Variants in EDARADD observed in about 807,000 individuals in gnomAD.
EDARADD encodes the protein EDAR associated via death domain, also known as ectodysplasin-A receptor-associated adapter protein.
Under a neutral mutation model 25.6 loss-of-function variants are expected in EDARADD, and 20 were observed. That is an observed-to-expected ratio of 0.78 (90% confidence interval 0.55 to 1.14). The LOEUF (loss-of-function observed/expected upper bound fraction) is 1.14, where lower values mean the gene tolerates loss of function less well. Among genes scored for constraint, EDARADD ranks in the 50% most tolerant of loss-of-function variants. EDARADD has a pLI of 0.00. For missense variants in EDARADD, 225 were observed against 270.1 expected (o/e 0.83, Z 1.17); for synonymous variants, 86 against 94.4 (o/e 0.91, Z 0.52).
intron 4 of EDARADD, among the ~76,000 whole-genome samples, chr1:236,464,589 C>T (rs1196851777): frequency 6.6e-6 from 1 of 151,940 alleles, no homozygotes; most frequent in Non-Finnish European, 1.5e-5. Context: ...CTCACCACCA[C>T]ATCCAGCTAA....
intron 3 of EDARADD, among the ~76,000 whole-genome samples, chr1:236,382,228 G>A (rs1391284368): frequency 6.6e-6 from 1 of 151,692 alleles, no homozygotes. Context: ...CAATTTCTAT[G>A]TCTCCAAGTC....
intron 1 of EDARADD, among the ~76,000 whole-genome samples, chr1:236,397,656 T>G (rs1274050552): frequency 6.6e-6 from 1 of 152,098 alleles, no homozygotes; most frequent in African/African-American, 2.4e-5. Context: ...GTGAAAACTT[T>G]AGAGAGAGAT....
chr1:236,483,165 A>C lies in EDARADD; in HGVS notation c.*516A>C. 6.5e-7 allele frequency: 1 copy of C among 1,548,754 alleles called. No individual in the cohort carries two copies. Among genetic ancestry groups the C allele is most frequent in the Non-Finnish European group, 8.9e-7 (1 of 1,123,494 alleles). ...GAGACCCAGTGGCTAGAAATTCACC[A>C]TGTCTATTCTCAAGATCCATGCCAG... On this transcript the variant is annotated 3_prime_UTR_variant, in exon 6 of 6. Transcript: ENST00000334232.
chr1:236,452,325 T>C (rs1271470260), intron 4 of EDARADD, among the ~76,000 whole-genome samples: 2 of 152,222 alleles, frequency 1.3e-5, no homozygotes, highest in Admixed American at 6.5e-5. Flanking sequence ...CTTATTGATA[T>C]GGTGTGGCTC....
chr1:236,441,810 G>T (rs1185162593), intron 4 of EDARADD, among the ~76,000 whole-genome samples: 2 of 152,096 alleles, frequency 1.3e-5, no homozygotes, highest in African/African-American at 4.8e-5. Flanking sequence ...GAATACAGAT[G>T]TGAGTCACCG....
intron 3 of EDARADD, among the ~76,000 whole-genome samples, chr1:236,373,750 G>C (rs72753312): frequency 2.6e-5 from 4 of 152,070 alleles, no homozygotes; most frequent in Non-Finnish European, 4.4e-5. Context: ...TGGAAGCATA[G>C]ACTATTGATT....
rs567688276 is a variant in EDARADD, at chr1:236,358,878, C to A, written c.-6+8039C>A. ...TTTGGGTGGAGAGTTCTGTAGATAT[C>A]TATCAGGTCCACTTGATCCAGAGCT... On this transcript the variant is annotated intron_variant, in intron 3 of 7. Transcript: ENST00000439430. 5.6e-4 allele frequency among the ~76,000 whole-genome samples: 85 copies of A among 152,258 alleles called. 2 individuals carry two copies. In the South Asian group the frequency reaches 0.012, roughly 22 times the overall value.
At chr1:236,349,837 C>T (rs1666894570) in intron 2 of EDARADD, among the ~76,000 whole-genome samples, 1 of 152,134 alleles carries the variant, frequency 6.6e-6, no homozygotes, top group African/African-American at 2.4e-5. Flanking sequence ...TGGTGGCAGG[C>T]GCGGTGGCTC....
intron 2 of EDARADD, 114 bp downstream of exon 2, chr1:236,409,388 A>G: frequency 1.2e-6 from 1 of 802,118 alleles, no homozygotes. Context: ...ACCCCAAAGT[A>G]AGATTTTTCT....
chr1:236,401,663 G>A (rs543232991), intron 1 of EDARADD, among the ~76,000 whole-genome samples: 72 of 152,304 alleles, frequency 4.7e-4, no homozygotes, highest in African/African-American at 1.7e-3. Flanking sequence ...TAACGCTTTT[G>A]GGGATGTCGG....
intron 5 of EDARADD, among the ~76,000 whole-genome samples, chr1:236,481,320 C>A (rs1481233472): frequency 2.0e-5 from 3 of 152,116 alleles, no homozygotes; most frequent in East Asian, 3.8e-4. Context: ...GCCCCTTTTA[C>A]CCCGGAGAGA....
upstream of EDARADD, among the ~76,000 whole-genome samples, chr1:236,390,251 C>G (rs113750678): frequency 0.06 from 9,153 of 152,144 alleles, 480 homozygotes; most frequent in African/African-American, 0.14. Context: ...ATCTCACAAA[C>G]CACCACTAAA....
intron 4 of EDARADD, among the ~76,000 whole-genome samples, chr1:236,441,289 T>C (rs1221126169): frequency 2.1e-5 from 3 of 144,998 alleles, no homozygotes; most frequent in Non-Finnish European, 4.5e-5. Flanking sequence ...ATATTATATA[T>C]ATATAAATAA....
At chr1:236,392,459 G>A (rs776884532), upstream of EDARADD, among the ~76,000 whole-genome samples, 5 of 151,128 alleles carry the variant, frequency 3.3e-5, no homozygotes, top group Non-Finnish European at 5.9e-5. Flanking sequence ...AGAGTAGCAG[G>A]GACTACAGGC....
At chr1:236,397,829 A>G (rs543802594) in intron 1 of EDARADD, among the ~76,000 whole-genome samples, 1 of 152,292 alleles carries the variant, frequency 6.6e-6, no homozygotes, top group South Asian at 2.1e-4. Flanking sequence ...GCGCTCCTCC[A>G]TTTAAACACA....
chr1:236,401,102 C>T (rs1667606032), intron 1 of EDARADD, among the ~76,000 whole-genome samples: 1 of 151,904 alleles, frequency 6.6e-6, no homozygotes, highest in African/African-American at 2.4e-5. Context: ...GGGAGAATCA[C>T]TTGAACCCAG....
intron 5 of EDARADD, among the ~76,000 whole-genome samples, chr1:236,476,638 G>A (rs1659516229): frequency 6.6e-6 from 1 of 151,694 alleles, no homozygotes; most frequent in African/African-American, 2.4e-5. Flanking sequence ...CAATTCTCCT[G>A]CCTCAGCCTC....
intron 3 of EDARADD, among the ~76,000 whole-genome samples, chr1:236,362,184 C>T (rs1667058950): frequency 6.6e-6 from 1 of 152,160 alleles, no homozygotes; most frequent in African/African-American, 2.4e-5. Flanking sequence ...CAGTGATGCT[C>T]GCACCTTGGC....
chr1:236,468,300 T>C, intron 5 of EDARADD, 24 bp downstream of exon 5: 5 of 1,611,434 alleles, frequency 3.1e-6, no homozygotes, highest in Non-Finnish European at 2.5e-6. Flanking sequence ...TCTAAAGCTA[T>C]CTGGGCTAAT....
Sources: allele counts gnomAD v4.1 joint callset (sites outside exome capture counted in the v4.1 genomes callset), GRCh38; gene constraint gnomAD v4.1.1; transcripts MANE v1.5; gene names NCBI Gene and HGNC (gene_info 2026-07-23, HGNC 2026-07-21).